Variants in NPEPPS observed in about 807,000 individuals in gnomAD.
NPEPPS encodes puromycin-sensitive aminopeptidase.
A neutral mutation model predicts 115.5 loss-of-function variants in NPEPPS; 14 were observed. The ratio of observed to expected loss-of-function variants is 0.12; its 90% CI spans 0.08 to 0.19. NPEPPS has a LOEUF of 0.19. Among genes scored for constraint, NPEPPS ranks in the 10% least tolerant of loss-of-function variants. The probability of loss-of-function intolerance (pLI) is 1.00; values close to 1 mark genes in which losing one functional copy is unlikely to be tolerated. For synonymous variants in NPEPPS, 285 were observed against 390.6 expected (o/e 0.73, Z 3.19); for missense variants, 523 against 1,110.8 (o/e 0.47, Z 7.52).
intron 3 of NPEPPS, among the ~76,000 whole-genome samples, chr17:47,570,698 G>C (rs1265068181): frequency 6.6e-6 from 1 of 152,182 alleles, no homozygotes; most frequent in African/African-American, 2.4e-5. Flanking sequence ...AAATGAAAAG[G>C]AACAGATAAT....
intron 2 of NPEPPS, among the ~76,000 whole-genome samples, chr17:47,567,272 A>G (rs1185319779): frequency 2.6e-5 from 4 of 152,210 alleles, no homozygotes; most frequent in Non-Finnish European, 5.9e-5. Flanking sequence ...AAGTTCTTTT[A>G]AAATCTGAAA....
intron 9 of NPEPPS, among the ~76,000 whole-genome samples, chr17:47,589,189 C>G (rs1027708072): frequency 6.7e-6 from 1 of 150,240 alleles, no homozygotes; most frequent in Non-Finnish European, 1.5e-5. Flanking sequence ...TCAAGCAATC[C>G]TCCCACCTCA....
intron 19 of NPEPPS, among the ~76,000 whole-genome samples, chr17:47,616,904 G>T (rs913982104): frequency 6.6e-6 from 1 of 150,978 alleles, no homozygotes; most frequent in Non-Finnish European, 1.5e-5. Context: ...GAAACTGAGA[G>T]CTTTGATGAG....
At chr17:47,524,301 C>T (rs545194030) in intron 1 of NPEPPS, among the ~76,000 whole-genome samples, 2 of 131,578 alleles carry the variant, frequency 1.5e-5, no homozygotes, top group South Asian at 2.8e-4. Context: ...AAGAGCAAAA[C>T]TTTGTCTCAA....
chr17:47,613,577 A>G, intron 18 of NPEPPS, 92 bp from the exon 19 acceptor site: 1 of 1,119,576 alleles, frequency 8.9e-7, no homozygotes, highest in East Asian at 2.4e-5. Flanking sequence ...AACATTTACA[A>G]TATTGTTTAC....
chr17:47,541,595 T>G (rs1908769507), intron 1 of NPEPPS, among the ~76,000 whole-genome samples: 1 of 152,166 alleles, frequency 6.6e-6, no homozygotes, highest in Non-Finnish European at 1.5e-5. Context: ...CAGGCTGGTC[T>G]CGAACCCCTG....
chr17:47,527,340 C>T (rs992742897), upstream of NPEPPS, among the ~76,000 whole-genome samples: 12 of 147,056 alleles, frequency 8.2e-5, no homozygotes, highest in African/African-American at 1.3e-4. Flanking sequence ...AAAAAATTAA[C>T]GGGTGTGGTG....
At chr17:47,563,440 G>C (rs1468659852) in intron 2 of NPEPPS, among the ~76,000 whole-genome samples, 1 of 152,140 alleles carries the variant, frequency 6.6e-6, no homozygotes, top group Non-Finnish European at 1.5e-5. Flanking sequence ...TATGTTTATA[G>C]ATTTTAAAAT....
At chr17:47,603,797 G>T in intron 15 of NPEPPS, 118 bp from the exon 16 acceptor site, 1 of 829,976 alleles carries the variant, frequency 1.2e-6, no homozygotes, top group South Asian at 2.0e-5. Context: ...TGGCATAGAT[G>T]GTCTTAATTG....
Position 47,535,131 on chromosome 17 carries a change from T to C in NPEPPS, c.255+3576T>C, listed in dbSNP as rs1217773145. On this transcript the variant is annotated intron_variant, in intron 1 of 22. Transcript: ENST00000322157. ...GGTGGCGGGAGCCTGTAGTCCCAGC[T>C]GCTCAGGAGCCTGAGGCAGGAGAAT... 7.6e-5 allele frequency among the ~76,000 whole-genome samples: 11 copies of C among 145,160 alleles called. No homozygotes were observed. The Admixed American group carries it at 7.7e-4, about 10-fold the overall frequency.
At chr17:47,565,697 G>A (rs1910766931) in intron 2 of NPEPPS, among the ~76,000 whole-genome samples, 1 of 151,738 alleles carries the variant, frequency 6.6e-6, no homozygotes, top group South Asian at 2.1e-4. Context: ...GTGGGCGCCT[G>A]TAGTCCCAGC....
At chr17:47,523,688 G>A (rs1907311072) in intron 1 of NPEPPS, among the ~76,000 whole-genome samples, 1 of 152,092 alleles carries the variant, frequency 6.6e-6, no homozygotes, top group African/African-American at 2.4e-5. Flanking sequence ...CTCCCAAAGT[G>A]CTGGGATTAC....
At chr17:47,529,551 C>T (rs1907579151), upstream of NPEPPS, among the ~76,000 whole-genome samples, 1 of 148,828 alleles carries the variant, frequency 6.7e-6, no homozygotes, top group Non-Finnish European at 1.5e-5. Flanking sequence ...ACTACAGGCA[C>T]ATGACACTAT....
rs184296326 is a variant in NPEPPS, at chr17:47,584,616, G to T, written c.649-884G>T. Among the ~76,000 whole-genome samples the T allele has an allele frequency of 8.7e-4, 132 of 152,262 alleles. 1 individual carries two copies. The East Asian group carries it at 0.024, about 27-fold the overall frequency. On this transcript the variant is annotated intron_variant, in intron 5 of 22. Coordinates refer to ENST00000322157, the MANE Select transcript of NPEPPS (RefSeq NM_006310.4). ...TTAGTATGAGTGAATTTATCAGTGT[G>T]TTCTTGAATAAGTCTTCCTTGGAAG...
chr17:47,592,585 A>G (rs752236702), intron 12 of NPEPPS, 40 bp downstream of exon 12: 3 of 1,513,162 alleles, frequency 2.0e-6, no homozygotes, highest in Non-Finnish European at 1.8e-6. Flanking sequence ...GAGAGAAAGT[A>G]TTGTCACTCT....
At chr17:47,579,705 A>G (rs562058726) in intron 4 of NPEPPS, 194 bp downstream of exon 4, 149 of 478,834 alleles carry the variant, frequency 3.1e-4, no homozygotes, top group African/African-American at 2.6e-3. Context: ...TGGGTTGGGG[A>G]ATGATTATAT....
chr17:47,538,123 C>T (rs940325282), intron 1 of NPEPPS, among the ~76,000 whole-genome samples: 3 of 151,286 alleles, frequency 2.0e-5, no homozygotes, highest in Admixed American at 2.0e-4. Flanking sequence ...GAACTCCTGA[C>T]CTCAGGTGAT....
intron 2 of NPEPPS, among the ~76,000 whole-genome samples, chr17:47,546,441 A>C (rs1304164704): frequency 6.6e-6 from 1 of 152,202 alleles, no homozygotes; most frequent in African/African-American, 2.4e-5. Flanking sequence ...AAGAAAAAGA[A>C]AAAGGGTAAA....
At chr17:47,570,857 C>T (rs753689323) in intron 3 of NPEPPS, among the ~76,000 whole-genome samples, 6 of 152,090 alleles carry the variant, frequency 3.9e-5, no homozygotes, top group Non-Finnish European at 7.4e-5. Flanking sequence ...AGTATAAATC[C>T]ATGTAATTTT....
Sources: allele counts gnomAD v4.1 joint callset (sites outside exome capture counted in the v4.1 genomes callset), GRCh38; gene constraint gnomAD v4.1.1; transcripts MANE v1.5; gene names NCBI Gene and HGNC (gene_info 2026-07-23, HGNC 2026-07-21).